The following HAND1 variants were observed in gnomAD, a reference collection of about 807,000 sequenced individuals.
HAND1 encodes the protein heart and neural crest derivatives expressed 1.
Under a neutral mutation model 14.5 loss-of-function variants are expected in HAND1, and 10 were observed. The ratio of observed to expected loss-of-function variants is 0.69; its 90% CI spans 0.42 to 1.17. The LOEUF (loss-of-function observed/expected upper bound fraction) is 1.17, where lower values mean the gene tolerates loss of function less well. HAND1 is among the 50% of genes most tolerant of loss of function. HAND1 has a pLI of 0.00. For synonymous variants in HAND1, 128 were observed against 127.1 expected (o/e 1.01, Z -0.05); for missense variants, 299 against 298.4 (o/e 1.00, Z -0.01).
chr5:154,477,863 G>C lies in HAND1; in HGVS notation c.146C>G (p.Pro49Arg), dbSNP rs748866943. The C allele has an allele frequency of 9.1e-5, 146 of 1,601,578 alleles. No individual in the cohort carries two copies. The highest frequency in any genetic ancestry group is 1.2e-4 in the Non-Finnish European group (136 of 1,179,686). Residue 49 changes from proline to arginine, a missense_variant, in exon 1 of 2, where the codon CCG becomes CGG. Pro to Arg is a moderately radical substitution (Grantham distance 103). Coordinates refer to ENST00000231121, the MANE Select transcript of HAND1 (RefSeq NM_004821.3). ...RPYFQSWLLS[P>R]ADAAPDFPAG... The stretch of plus-strand genomic sequence containing the variant: ...AGGGAAGTCCGGGGCAGCGTCAGCC[G>C]GGCTCAGCAGCCAGCTCTGGAAGTA...
Position 154,478,182 on chromosome 5 carries a change from G to T in HAND1, c.-174C>A, listed in dbSNP as rs1459234033. 3 of 713,566 alleles carry T rather than the reference G, an allele frequency of 4.2e-6. No individual in the cohort carries two copies. Among genetic ancestry groups the T allele is most frequent in the Non-Finnish European group, 6.9e-6 (3 of 431,964 alleles). The allele number at this position is 713,566 out of a possible 1,614,324, so 44.2% of individuals were successfully genotyped here. A position where few individuals can be genotyped will look rare whatever the true frequency, so the allele number is the denominator to read the frequency against. On this transcript the variant is annotated 5_prime_UTR_variant, in exon 1 of 2. Transcript: ENST00000231121. The surrounding 1 kb of genome is among the most constrained non-coding windows in gnomAD (Gnocchi z 4.5). ...GCCCACTGTCTTCTTACCGGTTTCT[G>T]CCGCGGGCGAGGTCGCCGAAGCCCA...
In HAND1 at chr5:154,477,655, G is replaced by A; in HGVS notation, c.354C>T (p.Arg118=). The A allele has an allele frequency of 3.1e-6, 5 of 1,614,220 alleles. No individual in the cohort carries two copies. In the East Asian group the frequency reaches 6.7e-5, roughly 22 times the overall value. Residue 118 remains arginine, a synonymous_variant, in exon 1 of 2, where the codon CGC becomes CGT. Transcript: ENST00000231121. The part of the protein sequence containing the change: ...ESINSAFAEL[R]ECIPNVPADT... Reference sequence around the variant, plus strand: ...CGGCCGGCACGTTGGGGATGCACTCGCGCAACTCCGCGAATGCGCTGTTAA... The same window carrying A: ...CGGCCGGCACGTTGGGGATGCACTCACGCAACTCCGCGAATGCGCTGTTAA...
chr5:154,477,345 C>T, intron 1 of HAND1, 121 bp downstream of exon 1: 1 of 813,930 alleles, frequency 1.2e-6, no homozygotes, highest in Non-Finnish European at 2.1e-6. Context: ...CATCTCAGAA[C>T]TCTTCCCAAC....
In HAND1 at chr5:154,475,771, G is replaced by A; in HGVS notation, c.*35C>T. 3 of 1,458,980 alleles carry A rather than the reference G, an allele frequency of 2.1e-6. No individual in the cohort carries two copies. Among genetic ancestry groups the A allele is most frequent in the Non-Finnish European group, 1.9e-6 (2 of 1,042,012 alleles). 90.4% of individuals were successfully genotyped at this position (1,458,980 alleles called of 1,614,324 possible). ...CTCTCCTCCCGGGGCTTCAGGAGTG[G>A]CTGGCCTGGCCAGGTCCTCGGCGCG... On this transcript the variant is annotated 3_prime_UTR_variant, in exon 2 of 2. Transcript: ENST00000231121.
intron 1 of HAND1, 146 bp from the exon 2 acceptor site, chr5:154,476,056 G>T: frequency 1.4e-6 from 1 of 730,656 alleles, no homozygotes; most frequent in East Asian, 2.7e-5. Context: ...ACGGATTTCT[G>T]TTTGCGAAAT....
rs1757529229 is a variant in HAND1, at chr5:154,475,659, G to A, written c.*147C>T. The A allele has an allele frequency of 4.4e-6, 3 of 674,230 alleles. No homozygotes were observed. The highest frequency in any genetic ancestry group is 8.1e-6 in the Non-Finnish European group (3 of 368,730). 41.8% of individuals were successfully genotyped at this position (674,230 alleles called of 1,614,324 possible). A position where few individuals can be genotyped will look rare whatever the true frequency, so the allele number is the denominator to read the frequency against. On this transcript the variant is annotated 3_prime_UTR_variant, in exon 2 of 2. Transcript: ENST00000231121. Reference sequence around the variant, plus strand: ...GCGATCCAAGTGTGTGGTTGCAGCCGACGACCTGCCGGCGCTCAGCAGAAG... The same window carrying A: ...GCGATCCAAGTGTGTGGTTGCAGCCAACGACCTGCCGGCGCTCAGCAGAAG...
rs1757526349 is a variant in HAND1, at chr5:154,475,501, G to C, written c.*305C>G. The C allele has an allele frequency of 9.2e-6, 4 of 437,080 alleles. No individual in the cohort carries two copies. Among genetic ancestry groups the C allele is most frequent in the Non-Finnish European group, 1.7e-5 (4 of 236,532 alleles). 27.1% of individuals were successfully genotyped at this position (437,080 alleles called of 1,614,324 possible). On this transcript the variant is annotated 3_prime_UTR_variant, in exon 2 of 2. Transcript: ENST00000231121. The stretch of plus-strand genomic sequence containing the variant: ...CAAAAGGGTGGAAGAGTGCGTCTTT[G>C]AGCCCTTGGGTTCGACAGTCCCTCC...
In HAND1 at chr5:154,478,131, G is replaced by T; in HGVS notation, c.-123C>A. The T allele has an allele frequency of 9.3e-7, 1 of 1,075,436 alleles. No individual in the cohort carries two copies. The highest frequency in any genetic ancestry group is 2.5e-5 in the East Asian group (1 of 40,308). The allele number at this position is 1,075,436 out of a possible 1,614,324, so 66.6% of individuals were successfully genotyped here. A position where few individuals can be genotyped will look rare whatever the true frequency, so the allele number is the denominator to read the frequency against. Reference sequence around the variant, plus strand: ...CTGGGCGCCGGCTTTGGGAGAGTCCGGGCAAGGCTGAAAATGAGACGCGCA... The same window carrying T: ...CTGGGCGCCGGCTTTGGGAGAGTCCTGGCAAGGCTGAAAATGAGACGCGCA... On this transcript the variant is annotated 5_prime_UTR_variant, in exon 1 of 2. Coordinates refer to ENST00000231121, the MANE Select transcript of HAND1 (RefSeq NM_004821.3). This position sits in a 1 kb window ranked among gnomAD's most constrained non-coding sequence, Gnocchi z 4.5.
intron 1 of HAND1, among the ~76,000 whole-genome samples, chr5:154,476,569 A>G (rs1354033829): frequency 6.6e-6 from 1 of 152,130 alleles, no homozygotes; most frequent in African/African-American, 2.4e-5. Context: ...TAGAGACTCG[A>G]TGCCTATTTA....
chr5:154,475,735 C>T lies in HAND1; in HGVS notation c.*71G>A, dbSNP rs1757530402. The T allele has an allele frequency of 8.8e-7, 1 of 1,141,994 alleles. No homozygotes were observed. The highest frequency in any genetic ancestry group is 1.3e-6 in the Non-Finnish European group (1 of 754,808). 70.7% of individuals were successfully genotyped at this position (1,141,994 alleles called of 1,614,324 possible). A position where few individuals can be genotyped will look rare whatever the true frequency, so the allele number is the denominator to read the frequency against. On this transcript the variant is annotated 3_prime_UTR_variant, in exon 2 of 2. Coordinates refer to ENST00000231121, the MANE Select transcript of HAND1 (RefSeq NM_004821.3). The stretch of plus-strand genomic sequence containing the variant: ...GCCGGAGCCCAGAGCCTGGCGTTCG[C>T]CGCTGCCTTCCTCTCCTCCCGGGGC...
At position 154,477,767 on chromosome 5, in the gene HAND1, C is replaced by T. The variant is rs763518945; in HGVS notation, c.242G>A (p.Ser81Asn). ...GCCAAGCGCCTCCAGCCGCCCGGGG[C>T]TCTGCCCAGGCCTGGCGTCAGGACC... ...AYGPDARPGQ[S>N]PGRLEALGGR... Residue 81 changes from serine to asparagine, a missense_variant, in exon 1 of 2, where the codon AGC (serine) becomes AAC (asparagine). Coordinates refer to ENST00000231121, the MANE Select transcript of HAND1 (RefSeq NM_004821.3). The T allele has an allele frequency of 1.2e-6, 2 of 1,607,324 alleles. No individual in the cohort carries two copies. The highest frequency in any genetic ancestry group is 2.2e-5 in the South Asian group (2 of 90,826).
At chr5:154,477,367 G>T in intron 1 of HAND1, 99 bp downstream of exon 1, 1 of 959,854 alleles carries the variant, frequency 1.0e-6, no homozygotes, top group Non-Finnish European at 1.7e-6. Context: ...TTTCCAAATC[G>T]GACACAGGAC....
rs150779203 is a variant in HAND1, at chr5:154,475,312, C to T, written c.*494G>A. On this transcript the variant is annotated 3_prime_UTR_variant, in exon 2 of 2. Transcript: ENST00000231121. ...CCACGATTCGAAGAACAAAGGGCAG[C>T]CTTTCATCTTCCTGCGTCTGGTTCT... 5.7e-3 allele frequency: 883 copies of T among 156,266 alleles called. 8 individuals are homozygous for T. Among genetic ancestry groups the T allele is most frequent in the African/African-American group, 0.02 (842 of 41,580 alleles). 9.7% of individuals were successfully genotyped at this position (156,266 alleles called of 1,614,324 possible). A position where few individuals can be genotyped will look rare whatever the true frequency, so the allele number is the denominator to read the frequency against.
Position 154,477,575 on chromosome 5 carries a change from T to C in HAND1, c.434A>G (p.Tyr145Cys), listed in dbSNP as rs1052192853. ...TLRLATSYIAYLMDVLAKDAQ... is the reference protein window; with the variant it reads ...TLRLATSYIACLMDVLAKDAQ... ...ATCCTTGGCCAGCACGTCCATCAGG[T>C]AGGCGATGTAGCTGGTGGCTAGGCG... Residue 145 changes from tyrosine to cysteine, a missense_variant, in exon 1 of 2, where the codon TAC becomes TGC. Physicochemically the swap from Tyr to Cys is radical, Grantham distance 194. Transcript: ENST00000231121. 6.2e-7 allele frequency: 1 copy of C among 1,614,194 alleles called. No individual in the cohort carries two copies. The highest frequency in any genetic ancestry group is 8.5e-7 in the Non-Finnish European group (1 of 1,180,020).
chr5:154,476,052 T>G, intron 1 of HAND1, 142 bp from the exon 2 acceptor site: 1 of 732,994 alleles, frequency 1.4e-6, no homozygotes, highest in Non-Finnish European at 2.5e-6. Flanking sequence ...AGTGACGGAT[T>G]TCTGTTTGCG....
rs778884559 is a variant in HAND1 at position 154,477,631 on chromosome 5, G to T, written c.378C>A (p.Ala126=). The change falls in exon 1 of 2, where the codon GCC becomes GCA. Residue 126 remains alanine (A), a synonymous_variant. Coordinates refer to ENST00000231121, the MANE Select transcript of HAND1 (RefSeq NM_004821.3). The part of the protein sequence containing the change: ...ELRECIPNVP[A]DTKLSKIKTL... ...TCTTGATCTTGGAGAGCTTGGTGTC[G>T]GCCGGCACGTTGGGGATGCACTCGC... 1.2e-6 allele frequency: 2 copies of T among 1,614,238 alleles called. No homozygotes were observed. Among genetic ancestry groups the T allele is most frequent in the South Asian group, 1.1e-5 (1 of 91,086 alleles).
In HAND1 at chr5:154,475,445, T is replaced by G; in HGVS notation, c.*361A>C. The G allele has an allele frequency of 3.7e-6, 1 of 273,208 alleles. No homozygotes were observed. The highest frequency in any genetic ancestry group is 4.9e-5 in the Admixed American group (1 of 20,320). The allele number at this position is 273,208 out of a possible 1,614,324, so 16.9% of individuals were successfully genotyped here. A position where few individuals can be genotyped will look rare whatever the true frequency, so the allele number is the denominator to read the frequency against. ...AGAGAGAAAGAGCCAGATAGGGAAA[T>G]GGAGATAGGGCTGAGGTTCTAAATT... On this transcript the variant is annotated 3_prime_UTR_variant, in exon 2 of 2. Transcript: ENST00000231121.
rs1675719811 is a variant in HAND1, at chr5:154,475,766, G to A, written c.*40C>T. The A allele has an allele frequency of 7.1e-7, 1 of 1,399,134 alleles. No individual in the cohort carries two copies. The allele number at this position is 1,399,134 out of a possible 1,614,324, so 86.7% of individuals were successfully genotyped here. A position where few individuals can be genotyped will look rare whatever the true frequency, so the allele number is the denominator to read the frequency against. ...CCTTCCTCTCCTCCCGGGGCTTCAG[G>A]AGTGGCTGGCCTGGCCAGGTCCTCG... On this transcript the variant is annotated 3_prime_UTR_variant, in exon 2 of 2. Transcript: ENST00000231121.
chr5:154,477,745 A>C lies in HAND1; in HGVS notation c.264T>G (p.Leu88=). ...PGQSPGRLEA[L]GGRLGRRKGS... is the part of the protein sequence containing the mutation. ...CTTTCCGCCGGCCAAGACGGCCGCC[A>C]AGCGCCTCCAGCCGCCCGGGGCTCT... Residue 88 remains leucine (L), a synonymous_variant, in exon 1 of 2, where the codon CTT becomes CTG. Transcript: ENST00000231121. The C allele has an allele frequency of 6.2e-7, 1 of 1,612,282 alleles. No individual in the cohort carries two copies. Among genetic ancestry groups the C allele is most frequent in the Non-Finnish European group, 8.5e-7 (1 of 1,179,634 alleles).
Sources: gnomAD v4.1 joint callset for allele counts (sites outside exome capture counted in the v4.1 genomes callset) on GRCh38, gnomAD v4.1.1 for gene constraint, Gnocchi (gnomAD v3.1) non-coding constraint, MANE v1.5 for transcripts, NCBI Gene and HGNC (gene_info 2026-07-23, HGNC 2026-07-21) for gene names.